Variants in SPPL3 observed in about 807,000 individuals in gnomAD.
SPPL3 encodes signal peptide peptidase like 3, also known as signal peptide peptidase-like 3.
In SPPL3, 5 loss-of-function variants were observed where a neutral mutation model predicts 42.4. That is an observed-to-expected ratio of 0.12 (90% CI 0.06 to 0.25). The LOEUF (loss-of-function observed/expected upper bound fraction) is 0.25, where lower values mean the gene tolerates loss of function less well. Ranked by LOEUF, SPPL3 falls within the 10% of genes least tolerant of loss-of-function variation. The pLI is 1.00. For missense variants in SPPL3, 235 were observed against 489.0 expected (o/e 0.48, Z 4.90); for synonymous variants, 195 against 181.8 (o/e 1.07, Z -0.58).
chr12:120,818,291 A>T (rs1870946516), intron 1 of SPPL3, among the ~76,000 whole-genome samples: 1 of 152,216 alleles, frequency 6.6e-6, no homozygotes, highest in Admixed American at 6.5e-5. Context: ...AGACTTTGTC[A>T]ACTGATGTAT....
At chr12:120,885,791 G>A (rs566787366) in intron 1 of SPPL3, among the ~76,000 whole-genome samples, 1 of 151,854 alleles carries the variant, frequency 6.6e-6, no homozygotes, top group Non-Finnish European at 1.5e-5. Flanking sequence ...AGAAAGTGAT[G>A]GGGACTCAGC....
intron 1 of SPPL3, among the ~76,000 whole-genome samples, chr12:120,822,533 C>A (rs1237555643): frequency 6.6e-6 from 1 of 152,138 alleles, no homozygotes; most frequent in East Asian, 1.9e-4. Flanking sequence ...TTCCTGGGGG[C>A]TAACCTCTCC....
intron 6 of SPPL3, 115 bp from the exon 7 acceptor site, chr12:120,769,174 C>T (rs987554192): frequency 1.3e-6 from 1 of 754,276 alleles, no homozygotes; most frequent in Non-Finnish European, 2.2e-6. Context: ...ATCAGGCAGC[C>T]CTAAGCTCCA....
At chr12:120,879,957 T>C (rs1311446618) in intron 1 of SPPL3, among the ~76,000 whole-genome samples, 1 of 151,792 alleles carries the variant, frequency 6.6e-6, no homozygotes, top group Non-Finnish European at 1.5e-5. Flanking sequence ...ATTCCCATAC[T>C]CCACCTCTGT....
At chr12:120,810,786 A>G (rs1870657869) in intron 2 of SPPL3, 23 bp downstream of exon 2, 3 of 1,571,612 alleles carry the variant, frequency 1.9e-6, no homozygotes, top group Non-Finnish European at 2.6e-6. Context: ...AACTTGTATC[A>G]ACCCCATTTG....
intron 1 of SPPL3, among the ~76,000 whole-genome samples, chr12:120,820,306 A>ATTTTTTTTTTTTTTTTTT (rs11374486): frequency 3.0e-5 from 3 of 100,998 alleles, no homozygotes; most frequent in African/African-American, 4.1e-5. Context: ...CTTTCTCTAA[A>ATTTTTTTTTTTTTTTTTT]TTTTTTTTTT....
chr12:120,832,420 C>A (rs919448184), intron 1 of SPPL3, among the ~76,000 whole-genome samples: 1 of 152,110 alleles, frequency 6.6e-6, no homozygotes, highest in Non-Finnish European at 1.5e-5. Flanking sequence ...ACCTGTAATC[C>A]CAGCACTTTG....
At chr12:120,824,159 T>C (rs1234665286) in intron 1 of SPPL3, among the ~76,000 whole-genome samples, 2 of 152,144 alleles carry the variant, frequency 1.3e-5, no homozygotes, top group African/African-American at 2.4e-5. Context: ...CGTGAGCCAC[T>C]GCACCCAGCC....
intron 2 of SPPL3, among the ~76,000 whole-genome samples, chr12:120,810,505 CAT>C (rs1870649484): frequency 1.3e-5 from 2 of 152,058 alleles, no homozygotes; most frequent in African/African-American, 4.8e-5. Flanking sequence ...ACTCTAGAAT[CAT>C]TGTCAAAGAC....
chr12:120,829,196 G>C (rs1185377207), intron 1 of SPPL3, among the ~76,000 whole-genome samples: 1 of 152,180 alleles, frequency 6.6e-6, no homozygotes, highest in East Asian at 1.9e-4. Context: ...AAAGCTTCTA[G>C]AAGAAAACAG....
intron 1 of SPPL3, among the ~76,000 whole-genome samples, chr12:120,896,870 T>G (rs1448043385): frequency 6.6e-6 from 1 of 152,142 alleles, no homozygotes; most frequent in Non-Finnish European, 1.5e-5. Context: ...GAAGGAACCA[T>G]TAAACTCTAG....
intron 1 of SPPL3, among the ~76,000 whole-genome samples, chr12:120,866,814 G>A (rs1484597452): frequency 1.3e-5 from 2 of 152,154 alleles, no homozygotes; most frequent in African/African-American, 4.8e-5. Context: ...TCAGAATTCT[G>A]TTCTTTTTGA....
intron 6 of SPPL3, among the ~76,000 whole-genome samples, chr12:120,770,326 C>T (rs1397797451): frequency 6.6e-6 from 1 of 152,204 alleles, no homozygotes; most frequent in Admixed American, 6.5e-5. Flanking sequence ...CATGCCCAGC[C>T]TAAAGTCCTT....
At chr12:120,830,634 C>CA (rs1049317360) in intron 1 of SPPL3, among the ~76,000 whole-genome samples, 4 of 130,972 alleles carry the variant, frequency 3.1e-5, no homozygotes, top group African/African-American at 8.5e-5. Context: ...TTGGGGAGAG[C>CA]AAGGGTGGTG....
intron 6 of SPPL3, chr12:120,769,458 T>G (rs1869034026): frequency 6.0e-6 from 1 of 167,252 alleles, no homozygotes; most frequent in Non-Finnish European, 1.3e-5. Context: ...ATTCATTAAC[T>G]GCGTTATAGA....
intron 1 of SPPL3, among the ~76,000 whole-genome samples, chr12:120,861,534 TGGTAGA>T (rs1221458353): frequency 6.6e-6 from 1 of 152,188 alleles, no homozygotes; most frequent in Non-Finnish European, 1.5e-5. Flanking sequence ...AAACAGGCTG[TGGTAGA>T]TCCTTGCATT....
intron 1 of SPPL3, among the ~76,000 whole-genome samples, chr12:120,882,132 C>T (rs1362600197): frequency 6.6e-6 from 1 of 152,072 alleles, no homozygotes; most frequent in Non-Finnish European, 1.5e-5. Context: ...CTCTGTCTAC[C>T]ATCTTCATGC....
intron 1 of SPPL3, among the ~76,000 whole-genome samples, chr12:120,822,122 G>A (rs1042921822): frequency 1.3e-5 from 2 of 152,110 alleles, no homozygotes; most frequent in African/African-American, 4.8e-5. Flanking sequence ...TTTGTTTGAT[G>A]CATACAGAGT....
At chr12:120,883,805 T>C (rs1873363411) in intron 1 of SPPL3, among the ~76,000 whole-genome samples, 1 of 152,042 alleles carries the variant, frequency 6.6e-6, no homozygotes, top group Non-Finnish European at 1.5e-5. Context: ...AGTAAAACAT[T>C]AAAATGTAGA....
Sources: gnomAD v4.1 joint callset for allele counts (sites outside exome capture counted in the v4.1 genomes callset) on GRCh38, gnomAD v4.1.1 for gene constraint, MANE v1.5 for transcripts, NCBI Gene and HGNC (gene_info 2026-07-23, HGNC 2026-07-21) for gene names.